The following GCNT1 variants were observed in gnomAD, a reference collection of about 807,000 sequenced individuals.
The protein encoded by GCNT1 is beta-1,3-galactosyl-O-glycosyl-glycoprotein beta-1,6-N-acetylglucosaminyltransferase.
In GCNT1, 16 loss-of-function variants were observed where a neutral mutation model predicts 26.2. The observed-to-expected ratio is 0.61, with a 90% CI of 0.41 to 0.93. The LOEUF is 0.93. Among genes scored for constraint, GCNT1 ranks in the 40% least tolerant of loss-of-function variants. GCNT1 has a pLI of 0.00. For synonymous variants in GCNT1, 183 were observed against 190.8 expected, an observed-to-expected ratio of 0.96 and a Z score of 0.34; for missense variants, 477 against 526.7, an observed-to-expected ratio of 0.91 and a Z score of 0.92.
chr9:76,423,827 A>C (rs887151751), intron 1 of GCNT1, among the ~76,000 whole-genome samples: 1 of 152,222 alleles, frequency 6.6e-6, no homozygotes. Flanking sequence ...ATGGCAAGGA[A>C]TTTATTGAGA....
chr9:76,425,366 G>GT (rs1587404477), intron 1 of GCNT1, among the ~76,000 whole-genome samples: 1 of 151,558 alleles, frequency 6.6e-6, no homozygotes, highest in East Asian at 2.0e-4. Context: ...GGGATTAAAG[G>GT]TGACCGCCAA....
chr9:76,422,598 C>G (rs181926372), intron 1 of GCNT1, among the ~76,000 whole-genome samples: 16 of 152,224 alleles, frequency 1.1e-4, no homozygotes, highest in Middle Eastern at 3.4e-3. Flanking sequence ...AGCTTGAGTG[C>G]AGTGGTGTGA....
chr9:76,395,696 G>A, the GCNT1 span, among the ~76,000 whole-genome samples: 1 of 152,068 alleles, frequency 6.6e-6, no homozygotes, highest in South Asian at 2.1e-4. Context: ...ACCCAAAGAA[G>A]CAATTATGGT....
At chr9:76,396,902 G>A in the GCNT1 span, among the ~76,000 whole-genome samples, 1 of 152,148 alleles carries the variant, frequency 6.6e-6, no homozygotes, top group African/African-American at 2.4e-5. Flanking sequence ...AGTGAGGATC[G>A]CCTGAGCCCC....
intron 2 of GCNT1, among the ~76,000 whole-genome samples, chr9:76,498,211 T>C (rs920552126): frequency 2.6e-5 from 4 of 152,234 alleles, no homozygotes; most frequent in African/African-American, 7.2e-5. Flanking sequence ...ATTTTGTTTA[T>C]CCATTCTTCA....
chr9:76,438,402 G>A (rs1280642289), upstream of GCNT1, among the ~76,000 whole-genome samples: 1 of 152,138 alleles, frequency 6.6e-6, no homozygotes, highest in East Asian at 1.9e-4. Flanking sequence ...GGAGACTAAG[G>A]CCTTATCAGG....
intron 1 of GCNT1, among the ~76,000 whole-genome samples, chr9:76,423,051 T>C (rs533834459): frequency 6.6e-6 from 1 of 152,354 alleles, no homozygotes; most frequent in East Asian, 1.9e-4. Context: ...ATTTTTGACT[T>C]AAGGTATTTT....
At chr9:76,452,509 A>G (rs1823686943) in intron 1 of GCNT1, among the ~76,000 whole-genome samples, 1 of 152,194 alleles carries the variant, frequency 6.6e-6, no homozygotes, top group South Asian at 2.1e-4. Context: ...TACGCTGCAC[A>G]GAAAGCATGG....
At chr9:76,486,834 G>A (rs149209812) in intron 2 of GCNT1, among the ~76,000 whole-genome samples, 1 of 152,248 alleles carries the variant, frequency 6.6e-6, no homozygotes, top group African/African-American at 2.4e-5. Flanking sequence ...CTAGCACTTC[G>A]GGAGGCAGAG....
At chr9:76,449,623 G>T (rs1429902721) in intron 1 of GCNT1, among the ~76,000 whole-genome samples, 1 of 152,138 alleles carries the variant, frequency 6.6e-6, no homozygotes, top group Non-Finnish European at 1.5e-5. Flanking sequence ...CACCAGAGAA[G>T]CGCAGCCTCT....
chr9:76,493,278 CTTTCGTCAGCTGTCATTCTATCA>C (rs1824801032), intron 2 of GCNT1, among the ~76,000 whole-genome samples: 1 of 152,174 alleles, frequency 6.6e-6, no homozygotes, highest in Admixed American at 6.5e-5. Context: ...GAATTTGTCC[CTTTCGTCAGCTGTCATTCTATCA>C]TTTACTTGAC....
chr9:76,504,025 C>G lies in GCNT1; in HGVS notation c.*357C>G, dbSNP rs1825167475. On this transcript the variant is annotated 3_prime_UTR_variant, in exon 4 of 4. Coordinates refer to ENST00000376730, the MANE Select transcript of GCNT1 (RefSeq NM_001490.5). Reference sequence around the variant, plus strand: ...ACTTAGCAAAATGAGAAGATGTGACCTGTGCCAAAACTATTTTGAGAATTT... The same window carrying G: ...ACTTAGCAAAATGAGAAGATGTGACGTGTGCCAAAACTATTTTGAGAATTT... 8.6e-6 allele frequency: 2 copies of G among 233,314 alleles called. No individual in the cohort carries two copies. 14.5% of individuals were successfully genotyped at this position (233,314 alleles called of 1,614,324 possible).
chr9:76,419,958 A>T (rs1244788789), intron 1 of GCNT1: 1 of 152,258 alleles, frequency 6.6e-6, no homozygotes, highest in Non-Finnish European at 1.5e-5. Flanking sequence ...TCTGGCTACA[A>T]ATGCCTTTCC....
chr9:76,399,703 C>T, the GCNT1 span: 4 of 634,366 alleles, frequency 6.3e-6, no homozygotes, highest in Non-Finnish European at 1.1e-5. Context: ...TTTACCCCTA[C>T]TCCCACTGAA....
At chr9:76,437,240 C>T (rs1001732342), upstream of GCNT1, among the ~76,000 whole-genome samples, 1 of 152,082 alleles carries the variant, frequency 6.6e-6, no homozygotes, top group African/African-American at 2.4e-5. Context: ...ACTTACTGGG[C>T]TGCATTCCCA....
intron 2 of GCNT1, among the ~76,000 whole-genome samples, chr9:76,477,268 C>T (rs1346066026): frequency 2.0e-5 from 3 of 151,218 alleles, no homozygotes; most frequent in African/African-American, 7.3e-5. Context: ...TGGCTCACGC[C>T]TGTAATCCCA....
In GCNT1 at chr9:76,463,372, G is replaced by A. The variant is rs114986190; in HGVS notation, c.-290+3195G>A. On this transcript the variant is annotated intron_variant, in intron 2 of 3. Coordinates refer to ENST00000376730, the MANE Select transcript of GCNT1 (RefSeq NM_001490.5). Reference sequence around the variant, plus strand: ...GTTGCCCACCCATGAGCTGGCCCTGGTGAAACTCTTTATTCATAGCTAAGA... The same window carrying A: ...GTTGCCCACCCATGAGCTGGCCCTGATGAAACTCTTTATTCATAGCTAAGA... 4.5e-3 allele frequency among the ~76,000 whole-genome samples: 688 copies of A among 152,310 alleles called. 11 individuals are homozygous for A. Among genetic ancestry groups the A allele is most frequent in the African/African-American group, 0.016 (661 of 41,550 alleles).
intron 2 of GCNT1, among the ~76,000 whole-genome samples, chr9:76,461,538 G>A (rs1400753822): frequency 2.7e-5 from 4 of 150,538 alleles, no homozygotes; most frequent in South Asian, 2.1e-4. Flanking sequence ...AGCCGAGATT[G>A]CACCACTGCA....
At chr9:76,441,109 A>T (rs1479835855), upstream of GCNT1, among the ~76,000 whole-genome samples, 1 of 151,384 alleles carries the variant, frequency 6.6e-6, no homozygotes, top group African/African-American at 2.4e-5. Flanking sequence ...TTCCATAGCA[A>T]TCACATCAGA....
Sources: allele counts gnomAD v4.1 joint callset (sites outside exome capture counted in the v4.1 genomes callset), GRCh38; gene constraint gnomAD v4.1.1; transcripts MANE v1.5; gene names NCBI Gene and HGNC (gene_info 2026-07-23, HGNC 2026-07-21).